XKR9: variants seen among roughly 807,000 people sequenced by gnomAD.
XKR9 encodes XK-related protein 9.
XKR9 carries 32 observed loss-of-function variants against 32.0 expected under a neutral mutation model. The observed-to-expected ratio is 1.00, with a 90% confidence interval of 0.76 to 1.34. The LOEUF (loss-of-function observed/expected upper bound fraction) is 1.34. XKR9 is among the 40% of genes most tolerant of loss of function. XKR9 has a pLI of 0.00. For missense variants in XKR9, 546 were observed against 429.7 expected (o/e 1.27, Z -2.39); for synonymous variants, 168 against 143.4 (o/e 1.17, Z -1.22).
chr8:70,779,176 C>T (rs1206730077), intron 2 of XKR9, among the ~76,000 whole-genome samples: 3 of 152,010 alleles, frequency 2.0e-5, no homozygotes, highest in South Asian at 2.1e-4. Context: ...TGAATTTTGT[C>T]GAAGGCCTTT....
the XKR9 span, among the ~76,000 whole-genome samples, chr8:70,965,745 T>TGTTCATA: frequency 6.6e-6 from 1 of 152,204 alleles, no homozygotes; most frequent in Non-Finnish European, 1.5e-5. Flanking sequence ...TGCATAGAGG[T>TGTTCATA]GTTCATAGTA....
chr8:70,941,651 G>T, the XKR9 span, among the ~76,000 whole-genome samples: 40 of 152,248 alleles, frequency 2.6e-4, no homozygotes, highest in East Asian at 7.5e-3. Flanking sequence ...TTTGGAAATT[G>T]AGTGTCTTAG....
At chr8:70,738,954 G>C (rs1296142416), downstream of XKR9, among the ~76,000 whole-genome samples, 1 of 152,172 alleles carries the variant, frequency 6.6e-6, no homozygotes, top group Non-Finnish European at 1.5e-5. Flanking sequence ...CTGTTGATTT[G>C]GGGTGGAGAG....
the XKR9 span, among the ~76,000 whole-genome samples, chr8:70,993,666 C>CTTCA: frequency 6.7e-6 from 1 of 149,976 alleles, no homozygotes; most frequent in African/African-American, 2.5e-5. Flanking sequence ...TCCTTCCTTC[C>CTTCA]TTCCTCCCAT....
At chr8:70,766,089 C>T (rs1563473343) in intron 2 of XKR9, among the ~76,000 whole-genome samples, 1 of 150,786 alleles carries the variant, frequency 6.6e-6, no homozygotes, top group Non-Finnish European at 1.5e-5. Context: ...CTTATATGGG[C>T]TCTTTTTTGG....
At chr8:70,973,263 G>A in the XKR9 span, among the ~76,000 whole-genome samples, 1 of 146,118 alleles carries the variant, frequency 6.8e-6, no homozygotes, top group East Asian at 1.9e-4. Context: ...GGTGTTCATA[G>A]TAGCCTTGAA....
the XKR9 span, among the ~76,000 whole-genome samples, chr8:70,810,951 C>G: frequency 1.3e-5 from 2 of 152,184 alleles, no homozygotes; most frequent in Non-Finnish European, 2.9e-5. Context: ...TAAGAGACAT[C>G]TACAGAAGCC....
At chr8:70,860,774 T>G in the XKR9 span, among the ~76,000 whole-genome samples, 2 of 151,820 alleles carry the variant, frequency 1.3e-5, no homozygotes, top group African/African-American at 4.8e-5. Context: ...GGAGTTCAGC[T>G]CTGCAGACTA....
the XKR9 span, among the ~76,000 whole-genome samples, chr8:70,967,065 C>CTTGTTTTTTTTTTTTTTTTTTT: frequency 9.9e-6 from 1 of 101,292 alleles, no homozygotes; most frequent in Non-Finnish European, 2.0e-5. Context: ...GATCTTGACT[C>CTTGTTTTTTTTTTTTTTTTTTT]TTTTTTTTTT....
At chr8:70,926,951 C>T in the XKR9 span, among the ~76,000 whole-genome samples, 11 of 152,060 alleles carry the variant, frequency 7.2e-5, no homozygotes, top group Admixed American at 5.9e-4. Context: ...GAGCTTCTAC[C>T]ATTATTTCTA....
chr8:70,755,562 T>C (rs1177942639), intron 2 of XKR9, among the ~76,000 whole-genome samples: 5 of 152,194 alleles, frequency 3.3e-5, no homozygotes, highest in East Asian at 1.9e-4. Flanking sequence ...ATATACACCA[T>C]GGAATACTAT....
the XKR9 span, among the ~76,000 whole-genome samples, chr8:70,885,658 G>A: frequency 6.6e-6 from 1 of 151,780 alleles, no homozygotes; most frequent in Non-Finnish European, 1.5e-5. Flanking sequence ...GTGCAGTGGC[G>A]CGATCTCAGC....
At chr8:70,730,833 A>G (rs1806640747) in intron 4 of XKR9, among the ~76,000 whole-genome samples, 2 of 152,354 alleles carry the variant, frequency 1.3e-5, no homozygotes, top group Admixed American at 6.5e-5. Flanking sequence ...GAAGAAGTCT[A>G]AAGCAGCCAA....
rs535532947 is a variant in XKR9, at chr8:70,715,133, T to C, written c.493+7980T>C. Among the ~76,000 whole-genome samples, 3 of 152,282 alleles carry C rather than the reference T, an allele frequency of 2.0e-5. No homozygotes were observed. The East Asian group carries it at 5.8e-4, about 29-fold the overall frequency. On this transcript the variant is annotated intron_variant, in intron 4 of 4. Transcript: ENST00000408926. ...TGTTGACATCTGAAAGACAATTTAG[T>C]GAAATGTTAAGATCAGGTAAACTGC...
intron 1 of XKR9, among the ~76,000 whole-genome samples, chr8:70,673,772 A>G (rs1411840947): frequency 6.6e-6 from 1 of 152,000 alleles, no homozygotes; most frequent in Non-Finnish European, 1.5e-5. Flanking sequence ...GTCAAAAAAA[A>G]AAAAGATACA....
the XKR9 span, among the ~76,000 whole-genome samples, chr8:70,871,572 C>T: frequency 1.1e-4 from 16 of 152,286 alleles, no homozygotes; most frequent in Non-Finnish European, 1.9e-4. Flanking sequence ...ACACCACCCT[C>T]ATATAAGAAA....
the XKR9 span, among the ~76,000 whole-genome samples, chr8:70,850,359 G>A: frequency 6.6e-6 from 1 of 150,998 alleles, no homozygotes; most frequent in African/African-American, 2.4e-5. Flanking sequence ...TACTCCGGAG[G>A]AGGCTGAGGC....
At chr8:70,698,032 C>A (rs1490906213) in intron 3 of XKR9, among the ~76,000 whole-genome samples, 1 of 151,982 alleles carries the variant, frequency 6.6e-6, no homozygotes, top group Admixed American at 6.6e-5. Flanking sequence ...GTGGTGATAT[C>A]CCCTTTATCA....
At chr8:70,833,296 G>A in the XKR9 span, among the ~76,000 whole-genome samples, 1 of 152,086 alleles carries the variant, frequency 6.6e-6, no homozygotes, top group Admixed American at 6.6e-5. Context: ...ATGGAATTCA[G>A]ATGAATGAAC....
Sources: allele counts gnomAD v4.1 joint callset (sites outside exome capture counted in the v4.1 genomes callset), GRCh38; gene constraint gnomAD v4.1.1; transcripts MANE v1.5; gene names NCBI Gene and HGNC (gene_info 2026-07-23, HGNC 2026-07-21).